The following CORO2A variants were observed in gnomAD, a reference collection of about 807,000 sequenced individuals.
CORO2A encodes the protein coronin 2A.
CORO2A carries 47 observed loss-of-function variants against 62.4 expected under a neutral mutation model. The ratio of observed to expected loss-of-function variants is 0.75; its 90% confidence interval spans 0.60 to 0.96. CORO2A has a LOEUF of 0.96. Among genes scored for constraint, CORO2A ranks in the 40% least tolerant of loss-of-function variants. The pLI is 0.00. For synonymous variants in CORO2A, 273 were observed against 268.9 expected (o/e 1.02, Z -0.15); for missense variants, 610 against 684.1 (o/e 0.89, Z 1.21).
At chr9:98,162,129 C>T (rs1187301067) in intron 1 of CORO2A, among the ~76,000 whole-genome samples, 1 of 152,198 alleles carries the variant, frequency 6.6e-6, no homozygotes, top group Non-Finnish European at 1.5e-5. Context: ...GGTGTTCAGG[C>T]CAGTAACCGG....
At chr9:98,169,138 C>G (rs12550850) in intron 1 of CORO2A, among the ~76,000 whole-genome samples, 71,540 of 151,998 alleles carry the variant, frequency 0.47, 17,038 homozygotes, top group African/African-American at 0.53. Flanking sequence ...AGGCAGAAGC[C>G]GTCTGCAGCC....
chr9:98,153,395 C>T (rs1250611809), intron 2 of CORO2A, among the ~76,000 whole-genome samples: 1 of 145,900 alleles, frequency 6.9e-6, no homozygotes, highest in African/African-American at 2.6e-5. Flanking sequence ...GCCAGCGCAT[C>T]CGGCTGATAA....
At chr9:98,141,047 A>T (rs1424317645) in intron 2 of CORO2A, among the ~76,000 whole-genome samples, 1 of 152,184 alleles carries the variant, frequency 6.6e-6, no homozygotes, top group Admixed American at 6.5e-5. Flanking sequence ...GCTAAGATGG[A>T]TGTAACTTAC....
chr9:98,126,884 C>T (rs1296452962), intron 10 of CORO2A, 61 bp from the exon 11 acceptor site: 1 of 1,565,238 alleles, frequency 6.4e-7, no homozygotes, highest in Non-Finnish European at 8.8e-7. Context: ...GCATATGGGG[C>T]ACCAATGACA....
intron 6 of CORO2A, among the ~76,000 whole-genome samples, chr9:98,131,770 A>T (rs1587992181): frequency 6.6e-6 from 1 of 152,002 alleles, no homozygotes; most frequent in Admixed American, 6.6e-5. Flanking sequence ...TCAAAATACT[A>T]CCGCCAGCTT....
intron 2 of CORO2A, among the ~76,000 whole-genome samples, chr9:98,143,178 A>G (rs1276812965): frequency 6.6e-6 from 1 of 152,206 alleles, no homozygotes; most frequent in African/African-American, 2.4e-5. Flanking sequence ...CATCACCTCC[A>G]AGTCTCCAAG....
At chr9:98,182,993 C>T (rs1828196730) in intron 1 of CORO2A, among the ~76,000 whole-genome samples, 1 of 152,330 alleles carries the variant, frequency 6.6e-6, no homozygotes, top group East Asian at 1.9e-4. Flanking sequence ...GAGGCTGAAA[C>T]GCCTGTGAGA....
At chr9:98,178,520 C>T (rs1423508395) in intron 1 of CORO2A, among the ~76,000 whole-genome samples, 2 of 152,112 alleles carry the variant, frequency 1.3e-5, no homozygotes, top group Non-Finnish European at 2.9e-5. Flanking sequence ...CTGGATTAAC[C>T]TGGATTAATA....
At position 98,131,018 on chromosome 9, in the gene CORO2A, G is replaced by A. The variant is rs1019871907; in HGVS notation, c.807C>T (p.Gly269=). The A allele has an allele frequency of 2.5e-6, 4 of 1,613,902 alleles. No homozygotes were observed. The highest frequency in any genetic ancestry group is 3.4e-6 in the Non-Finnish European group (4 of 1,179,924). ...SVPLMEEDLD[G]SSGVLFPFYD... ...AGAAGGGAAACAGCACGCCCGAGGA[G>A]CCGTCCAGGTCCTCCTCCATCAGAG... The change falls in exon 7 of 12, where the codon GGC becomes GGT. Residue 269 remains glycine, a synonymous_variant. Transcript: ENST00000375077.
chr9:98,172,015 A>C (rs970175457), intron 1 of CORO2A, among the ~76,000 whole-genome samples: 1 of 151,982 alleles, frequency 6.6e-6, no homozygotes. Flanking sequence ...AGTGGGTTTC[A>C]TTTCATGTCC....
At chr9:98,134,523 C>T (rs566873389) in intron 4 of CORO2A, among the ~76,000 whole-genome samples, 1 of 152,234 alleles carries the variant, frequency 6.6e-6, no homozygotes, top group South Asian at 2.1e-4. Context: ...ATGATAGTTG[C>T]TCTCCTCTTC....
At chr9:98,157,964 C>T (rs1827830240) in intron 1 of CORO2A, among the ~76,000 whole-genome samples, 1 of 152,174 alleles carries the variant, frequency 6.6e-6, no homozygotes, top group African/African-American at 2.4e-5. Flanking sequence ...GAGAATCCAC[C>T]ACATTGACCC....
chr9:98,170,677 C>T (rs1208167331), intron 1 of CORO2A, among the ~76,000 whole-genome samples: 1 of 152,200 alleles, frequency 6.6e-6, no homozygotes, highest in African/African-American at 2.4e-5. Flanking sequence ...CTCCTGACCT[C>T]AGGTATCTGC....
At position 98,124,110 on chromosome 9, in the gene CORO2A, T is replaced by C. The variant is rs1587987947; in HGVS notation, c.*664A>G. The C allele has an allele frequency of 6.7e-6, 1 of 149,244 alleles. No homozygotes were observed. The allele number at this position is 149,244 out of a possible 1,614,324, so 9.2% of individuals were successfully genotyped here. ...CTCACTGCAACCCCCGCCTTCCGGT[T>C]TCAAGCAATTCTCCTGCCTCAGCCT... On this transcript the variant is annotated 3_prime_UTR_variant, in exon 12 of 12. Coordinates refer to ENST00000375077, the MANE Select transcript of CORO2A (RefSeq NM_052820.4).
At chr9:98,167,103 CAA>C (rs35581733) in intron 1 of CORO2A, among the ~76,000 whole-genome samples, 1,263 of 98,790 alleles carry the variant, frequency 0.013, 10 homozygotes, top group African/African-American at 0.042. Flanking sequence ...GATCCTGTCT[CAA>C]AAAAAAAAAA....
chr9:98,133,985 C>G (rs886478669), intron 4 of CORO2A, among the ~76,000 whole-genome samples: 7 of 152,110 alleles, frequency 4.6e-5, no homozygotes, highest in African/African-American at 1.7e-4. Context: ...TCCTTGGGCT[C>G]AAGTGATCCT....
chr9:98,143,233 G>T, intron 2 of CORO2A, among the ~76,000 whole-genome samples: 1 of 152,082 alleles, frequency 6.6e-6, no homozygotes, highest in East Asian at 1.9e-4. Flanking sequence ...GAAGGACCCA[G>T]GAGGAGTCAG....
At chr9:98,186,527 G>C (rs571151678) in intron 1 of CORO2A, among the ~76,000 whole-genome samples, 7 of 152,284 alleles carry the variant, frequency 4.6e-5, no homozygotes, top group African/African-American at 1.7e-4. Flanking sequence ...GATTATGTGG[G>C]ATGAGAAGAG....
intron 6 of CORO2A, among the ~76,000 whole-genome samples, chr9:98,131,740 A>G (rs1319240648): frequency 6.6e-6 from 1 of 152,138 alleles, no homozygotes; most frequent in Non-Finnish European, 1.5e-5. Context: ...CCAGTCTTTG[A>G]AACTCTGTCA....
Sources: allele counts gnomAD v4.1 joint callset (sites outside exome capture counted in the v4.1 genomes callset), GRCh38; gene constraint gnomAD v4.1.1; transcripts MANE v1.5; gene names NCBI Gene and HGNC (gene_info 2026-07-23, HGNC 2026-07-21).